ADAMTSL2: variants seen among roughly 807,000 people sequenced by gnomAD.
The protein encoded by ADAMTSL2 is ADAMTS like 2, also known as ADAMTS-like protein 2.
A neutral mutation model predicts 117.0 loss-of-function variants in ADAMTSL2; 55 were observed. The observed-to-expected ratio is 0.47, with a 90% confidence interval of 0.38 to 0.59. The LOEUF (loss-of-function observed/expected upper bound fraction) is 0.59. Among genes scored for constraint, ADAMTSL2 ranks in the 20% least tolerant of loss-of-function variants. The pLI is 0.00. For missense variants in ADAMTSL2, 1,182 were observed against 1,354.5 expected, an observed-to-expected ratio of 0.87 and a Z score of 2.00; for synonymous variants, 572 against 566.4, an observed-to-expected ratio of 1.01 and a Z score of -0.14.
At chr9:133,548,138 C>A (rs1462580813) in intron 9 of ADAMTSL2, among the ~76,000 whole-genome samples, 1 of 152,218 alleles carries the variant, frequency 6.6e-6, no homozygotes, top group African/African-American at 2.4e-5. Context: ...TTCATTGCCT[C>A]ATGTTGCAGG....
intron 12 of ADAMTSL2, among the ~76,000 whole-genome samples, chr9:133,562,443 T>TTGG (rs2131156520): frequency 0.012 from 1,748 of 147,698 alleles, 432 homozygotes; most frequent in Middle Eastern, 0.028. Context: ...GGCACCCGGC[T>TTGG]CGGCCAGGCT....
chr9:133,536,297 C>A (rs1320727698), intron 1 of ADAMTSL2, among the ~76,000 whole-genome samples: 6 of 152,252 alleles, frequency 3.9e-5, no homozygotes, highest in Non-Finnish European at 8.8e-5. Context: ...CCAGGCCCAT[C>A]CCTTCGAACC....
chr9:133,553,609 G>A (rs111728207), intron 9 of ADAMTSL2, among the ~76,000 whole-genome samples: 7,454 of 152,202 alleles, frequency 0.049, 316 homozygotes, highest in African/African-American at 0.12. Context: ...ACTGTCTTCC[G>A]GGGGTCTCTG....
chr9:133,536,011 C>T (rs1830041713), intron 1 of ADAMTSL2, among the ~76,000 whole-genome samples: 1 of 152,234 alleles, frequency 6.6e-6, no homozygotes, highest in Non-Finnish European at 1.5e-5. Context: ...TGCACCTCCT[C>T]CTGCCCTGCC....
intron 4 of ADAMTSL2, among the ~76,000 whole-genome samples, chr9:133,538,818 T>A (rs1267868810): frequency 6.6e-6 from 1 of 152,000 alleles, no homozygotes; most frequent in Non-Finnish European, 1.5e-5. Flanking sequence ...CCCCACGCCA[T>A]AAAACAGTTC....
chr9:133,552,444 G>A (rs1830508996), intron 9 of ADAMTSL2, among the ~76,000 whole-genome samples: 1 of 152,230 alleles, frequency 6.6e-6, no homozygotes, highest in Non-Finnish European at 1.5e-5. Flanking sequence ...CAAAGGTCAA[G>A]TGCTTGGAGT....
At chr9:133,546,699 G>C (rs1484201959) in intron 8 of ADAMTSL2, among the ~76,000 whole-genome samples, 1 of 152,192 alleles carries the variant, frequency 6.6e-6, no homozygotes, top group African/African-American at 2.4e-5. Context: ...AGACTCTCCT[G>C]CTCCAGACTG....
chr9:133,566,954 C>T lies in ADAMTSL2; in HGVS notation c.1766C>T (p.Ala589Val). Reference protein sequence around the residue: ...TCTTGVMSAYAMCVRYDGVEV... With the variant: ...TCTTGVMSAYVMCVRYDGVEV... ...AACCCAGGGGTCATGTCTGCGTACG[C>T]CATGTGTGTCCGCTATGATGGCGTC... is the stretch of plus-strand genomic sequence containing the variant. Residue 589 changes from alanine to valine, a missense_variant, in exon 13 of 19, where the codon GCC becomes GTC. Coordinates refer to ENST00000651351, the MANE Select transcript of ADAMTSL2 (RefSeq NM_014694.4). The T allele has an allele frequency of 1.9e-6, 3 of 1,609,522 alleles. No homozygotes were observed. Among genetic ancestry groups the T allele is most frequent in the Non-Finnish European group, 2.5e-6 (3 of 1,178,484 alleles).
At chr9:133,570,276 G>A in intron 16 of ADAMTSL2, 55 bp from the exon 17 acceptor site, 1 of 1,530,194 alleles carries the variant, frequency 6.5e-7, no homozygotes, top group Non-Finnish European at 8.8e-7. Flanking sequence ...TGGGCCCTGT[G>A]TGTAGGGTCC....
intron 7 of ADAMTSL2, among the ~76,000 whole-genome samples, chr9:133,543,671 G>T (rs1042899413): frequency 1.3e-5 from 2 of 152,214 alleles, no homozygotes; most frequent in African/African-American, 2.4e-5. Flanking sequence ...GGAATCCTCC[G>T]TTCCCAGAGG....
chr9:133,574,113 C>T (rs1831173498), intron 18 of ADAMTSL2, 126 bp downstream of exon 18: 9 of 1,301,906 alleles, frequency 6.9e-6, no homozygotes, highest in Non-Finnish European at 8.5e-6. Context: ...GCTTGAGAGA[C>T]CAAGCTGTGC....
chr9:133,537,979 G>A (rs1163661145), intron 3 of ADAMTSL2, among the ~76,000 whole-genome samples: 2 of 152,170 alleles, frequency 1.3e-5, no homozygotes, highest in African/African-American at 4.8e-5. Context: ...ATGACCTTGG[G>A]CAAGTCACTT....
intron 12 of ADAMTSL2, 159 bp from the exon 13 acceptor site, chr9:133,566,777 C>A: frequency 1.0e-6 from 1 of 953,864 alleles, no homozygotes; most frequent in Non-Finnish European, 1.6e-6. Flanking sequence ...CTCAGACCCA[C>A]AGTGCTGCCC....
intron 13 of ADAMTSL2, 152 bp from the exon 14 acceptor site, chr9:133,568,121 C>T (rs1831017782): frequency 1.1e-5 from 9 of 825,442 alleles, no homozygotes; most frequent in Middle Eastern, 3.4e-4. Context: ...CCTTGAGCCT[C>T]GACACCCTCC....
At chr9:133,544,734 G>C (rs908514514) in intron 8 of ADAMTSL2, among the ~76,000 whole-genome samples, 184 bp downstream of exon 8, 12 of 152,188 alleles carry the variant, frequency 7.9e-5, no homozygotes, top group African/African-American at 2.7e-4. Context: ...GGTGCTCACA[G>C]GGGAGCCAGC....
At chr9:133,550,081 C>T (rs1438327147) in intron 9 of ADAMTSL2, among the ~76,000 whole-genome samples, 1 of 152,354 alleles carries the variant, frequency 6.6e-6, no homozygotes, top group Non-Finnish European at 1.5e-5. Flanking sequence ...CACCCACATC[C>T]GCTTTCTAGC....
At chr9:133,564,880 C>T (rs1202929272) in intron 12 of ADAMTSL2, among the ~76,000 whole-genome samples, 2 of 152,070 alleles carry the variant, frequency 1.3e-5, no homozygotes, top group African/African-American at 4.8e-5. Context: ...ATTGGCCCAC[C>T]CTCCATCCTG....
intron 18 of ADAMTSL2, among the ~76,000 whole-genome samples, 161 bp downstream of exon 18, chr9:133,574,148 A>G (rs1335237115): frequency 1.3e-5 from 2 of 152,152 alleles, no homozygotes; most frequent in Non-Finnish European, 2.9e-5. Flanking sequence ...CCCTCCCGGC[A>G]TGGCCGAGCC....
In ADAMTSL2 at chr9:133,561,234, C is replaced by A; in HGVS notation, c.1686C>A (p.Pro562=). 6.2e-7 allele frequency: 1 copy of A among 1,608,554 alleles called. No individual in the cohort carries two copies. Residue 562 remains proline (P), a synonymous_variant, in exon 12 of 19, where the codon CCC becomes CCA. Coordinates refer to ENST00000651351, the MANE Select transcript of ADAMTSL2 (RefSeq NM_014694.4). ...RPKARKQGVS[P]ADMYRWKLSS... ...AGGCGCGCAAGCAAGGCGTGAGTCCCGCGGACATGTACCGGTGGAAGCTCT... is the reference window on the plus strand; with the variant it reads ...AGGCGCGCAAGCAAGGCGTGAGTCCAGCGGACATGTACCGGTGGAAGCTCT...
Sources: allele counts gnomAD v4.1 joint callset (sites outside exome capture counted in the v4.1 genomes callset), GRCh38; gene constraint gnomAD v4.1.1; transcripts MANE v1.5; gene names NCBI Gene and HGNC (gene_info 2026-07-23, HGNC 2026-07-21).